Variants in NHSL3 observed in about 807,000 individuals in gnomAD.
NHSL3 encodes the protein NHS like 3.
chr1:32,758,066 G>A, the NHSL3 span, among the ~76,000 whole-genome samples: 3 of 152,184 alleles, frequency 2.0e-5, no homozygotes, highest in East Asian at 3.8e-4. Flanking sequence ...AAATGCCCTT[G>A]TAAGGTAGAG....
At chr1:32,754,070 C>T in the NHSL3 span, 2 of 655,526 alleles carry the variant, frequency 3.1e-6, no homozygotes, top group Admixed American at 2.4e-5. Flanking sequence ...TGGGTTCCCG[C>T]GCCGGCTCCC....
At chr1:32,751,627 G>A in the NHSL3 span, among the ~76,000 whole-genome samples, 2 of 152,134 alleles carry the variant, frequency 1.3e-5, no homozygotes, top group African/African-American at 4.8e-5. Context: ...CTTCATTAAG[G>A]AAGCACTGAG....
the NHSL3 span, chr1:32,754,312 A>AC: frequency 1.4e-5 from 8 of 572,690 alleles, no homozygotes; most frequent in Admixed American, 2.9e-5. Flanking sequence ...CGCAGACCCC[A>AC]CCCCTCACAG....
chr1:32,765,303 G>GCTCTTTCCCCTGGGAATTA, the NHSL3 span, among the ~76,000 whole-genome samples: 1 of 151,984 alleles, frequency 6.6e-6, no homozygotes, highest in African/African-American at 2.4e-5. Context: ...CAGGCTCCGA[G>GCTCTTTCCCCTGGGAATTA]CTCTTTCCCC....
At chr1:32,772,060 C>T in the NHSL3 span, 52 of 1,610,218 alleles carry the variant, frequency 3.2e-5, no homozygotes, top group East Asian at 8.7e-4. Context: ...GGCAGAGCCA[C>T]GGCCTCCCCA....
chr1:32,768,827 T>C, the NHSL3 span: 8 of 1,589,206 alleles, frequency 5.0e-6, no homozygotes, highest in Middle Eastern at 1.7e-4. Context: ...GGTCCCAGCA[T>C]CTGTAGCTTC....
At chr1:32,768,309 G>A in the NHSL3 span, among the ~76,000 whole-genome samples, 1 of 152,088 alleles carries the variant, frequency 6.6e-6, no homozygotes, top group Non-Finnish European at 1.5e-5. Context: ...AGTTCGAGTG[G>A]GAGGCTGGGC....
At chr1:32,759,722 G>C in the NHSL3 span, among the ~76,000 whole-genome samples, 1 of 152,154 alleles carries the variant, frequency 6.6e-6, no homozygotes, top group African/African-American at 2.4e-5. Context: ...GATTGAGGTC[G>C]TGCCCCTCCC....
the NHSL3 span, among the ~76,000 whole-genome samples, chr1:32,745,480 C>A: frequency 6.6e-6 from 1 of 150,840 alleles, no homozygotes; most frequent in Admixed American, 6.6e-5. Context: ...ATCGCTTGAA[C>A]CCGGGAGGTG....
chr1:32,767,746 G>A, the NHSL3 span: 1 of 1,557,752 alleles, frequency 6.4e-7, no homozygotes, highest in Non-Finnish European at 8.7e-7. Flanking sequence ...GCAGGGCCCA[G>A]ATGCCTTTAC....
chr1:32,754,281 T>TG, the NHSL3 span: 26 of 591,622 alleles, frequency 4.4e-5, no homozygotes, highest in African/African-American at 2.0e-4. Flanking sequence ...GGTGTGAGTG[T>TG]GGGGGGGTCG....
chr1:32,745,557 CAAAA>C, the NHSL3 span, among the ~76,000 whole-genome samples: 5 of 91,414 alleles, frequency 5.5e-5, no homozygotes, highest in Non-Finnish European at 4.7e-5. Flanking sequence ...GACTAGGTCT[CAAAA>C]AAAAAAAAAA....
chr1:32,773,549 T>C, the NHSL3 span: 4 of 153,174 alleles, frequency 2.6e-5, no homozygotes, highest in African/African-American at 7.2e-5. Context: ...GGCCTTCCTG[T>C]GCCTCAACTC....
At chr1:32,746,244 A>G in the NHSL3 span, among the ~76,000 whole-genome samples, 21 of 142,612 alleles carry the variant, frequency 1.5e-4, 4 homozygotes, top group South Asian at 4.3e-4. Context: ...AAAAAAAAAA[A>G]AAACAAAAAA....
At chr1:32,766,553 A>G in the NHSL3 span, among the ~76,000 whole-genome samples, 1 of 152,050 alleles carries the variant, frequency 6.6e-6, no homozygotes, top group African/African-American at 2.4e-5. Flanking sequence ...GGGGCCTCCT[A>G]GCTCTGACCT....
the NHSL3 span, chr1:32,767,719 G>A: frequency 1.8e-4 from 256 of 1,414,446 alleles, no homozygotes; most frequent in Non-Finnish European, 2.2e-4. Flanking sequence ...TGCCCTTGCC[G>A]TGAGACCTGT....
the NHSL3 span, chr1:32,772,498 T>G: frequency 3.3e-6 from 5 of 1,502,914 alleles, no homozygotes; most frequent in Non-Finnish European, 4.4e-6. Flanking sequence ...AGTAGGAATC[T>G]GAAGTCCCGC....
chr1:32,765,752 C>T, the NHSL3 span: 24 of 1,547,148 alleles, frequency 1.6e-5, no homozygotes, highest in Non-Finnish European at 1.8e-5. Flanking sequence ...GGGAACGTCT[C>T]GAGTGGCGCC....
the NHSL3 span, among the ~76,000 whole-genome samples, chr1:32,750,256 C>G: frequency 1.3e-5 from 2 of 152,130 alleles, no homozygotes; most frequent in African/African-American, 4.8e-5. Flanking sequence ...ACTCTATGCC[C>G]TTGTACTCCA....
Sources: allele counts gnomAD v4.1 joint callset (sites outside exome capture counted in the v4.1 genomes callset), GRCh38; gene constraint gnomAD v4.1.1; transcripts MANE v1.5; gene names NCBI Gene and HGNC (gene_info 2026-07-23, HGNC 2026-07-21).